The following TNRC6C variants were observed in gnomAD, a reference collection of about 807,000 sequenced individuals.
TNRC6C encodes the protein trinucleotide repeat-containing gene 6C protein.
In TNRC6C, 20 loss-of-function variants were observed where a neutral mutation model predicts 153.7. The observed-to-expected ratio is 0.13, with a 90% CI of 0.09 to 0.19. TNRC6C has a LOEUF of 0.19. Among genes scored for constraint, TNRC6C ranks in the 10% least tolerant of loss-of-function variants. The pLI is 1.00. For synonymous variants in TNRC6C, 811 were observed against 841.4 expected (o/e 0.96, Z 0.63); for missense variants, 1,987 against 2,172.0 (o/e 0.91, Z 1.69).
intron 2 of TNRC6C, among the ~76,000 whole-genome samples, chr17:78,035,698 A>G (rs968026273): frequency 7.2e-5 from 11 of 152,162 alleles, no homozygotes; most frequent in Non-Finnish European, 7.3e-5. Flanking sequence ...AAGCTTTCTC[A>G]TCACTCTGTG....
chr17:78,100,096 G>A (rs1027904838), intron 17 of TNRC6C, among the ~76,000 whole-genome samples: 2 of 152,216 alleles, frequency 1.3e-5, no homozygotes, highest in African/African-American at 4.8e-5. Context: ...CAGCTCTGCA[G>A]GGTACAGCCT....
At chr17:78,016,188 C>T (rs753822019) in intron 1 of TNRC6C, among the ~76,000 whole-genome samples, 8 of 152,218 alleles carry the variant, frequency 5.3e-5, no homozygotes, top group Non-Finnish European at 8.8e-5. Flanking sequence ...CACAGTGCCA[C>T]TGCCGCAGAC....
chr17:77,975,095 C>CT (rs1029431301), intron 1 of TNRC6C, among the ~76,000 whole-genome samples: 7 of 152,092 alleles, frequency 4.6e-5, no homozygotes, highest in African/African-American at 1.2e-4. Flanking sequence ...AAAGAAATTT[C>CT]TTTAAGTCTC....
intron 1 of TNRC6C, among the ~76,000 whole-genome samples, chr17:77,968,594 C>T (rs1028502417): frequency 6.6e-6 from 1 of 152,294 alleles, no homozygotes; most frequent in Non-Finnish European, 1.5e-5. Context: ...CCGCCCACCT[C>T]GGCCTCCCAA....
chr17:78,102,903 C>T (rs958050664), intron 18 of TNRC6C: 4 of 247,476 alleles, frequency 1.6e-5, no homozygotes, highest in Admixed American at 5.3e-5. Flanking sequence ...TTTGGGAGGC[C>T]GAGGCCAGGG....
At chr17:77,995,606 C>A (rs562324864) in intron 1 of TNRC6C, among the ~76,000 whole-genome samples, 3 of 152,184 alleles carry the variant, frequency 2.0e-5, no homozygotes, top group Admixed American at 6.5e-5. Flanking sequence ...ACAATGAAAT[C>A]CCAAGCATTA....
chr17:77,989,299 T>C (rs573849341), intron 1 of TNRC6C, among the ~76,000 whole-genome samples: 12 of 152,356 alleles, frequency 7.9e-5, no homozygotes, highest in Non-Finnish European at 8.8e-5. Context: ...ACATCTGTTA[T>C]GACTTCTGAA....
At chr17:78,034,738 G>A (rs2072145987) in intron 2 of TNRC6C, among the ~76,000 whole-genome samples, 1 of 152,176 alleles carries the variant, frequency 6.6e-6, no homozygotes, top group African/African-American at 2.4e-5. Context: ...GAAGCCCTGG[G>A]CGGGTGAATT....
At chr17:78,038,662 G>C (rs989509219) in intron 2 of TNRC6C, among the ~76,000 whole-genome samples, 1 of 143,388 alleles carries the variant, frequency 7.0e-6, no homozygotes, top group Non-Finnish European at 1.5e-5. Flanking sequence ...CTGGGCGACA[G>C]AGCGAGACTC....
At chr17:77,969,672 A>G (rs531669904) in intron 1 of TNRC6C, among the ~76,000 whole-genome samples, 1 of 151,958 alleles carries the variant, frequency 6.6e-6, no homozygotes, top group Admixed American at 6.6e-5. Flanking sequence ...ATACTTGAAA[A>G]GCCTGATGTT....
chr17:78,028,393 C>T (rs1203477233), intron 1 of TNRC6C, among the ~76,000 whole-genome samples: 4 of 152,112 alleles, frequency 2.6e-5, no homozygotes, highest in African/African-American at 7.2e-5. Context: ...GCAGTGAGGG[C>T]GTTCTGAGGC....
chr17:78,069,137 G>A (rs1453758164), intron 5 of TNRC6C, among the ~76,000 whole-genome samples: 1 of 151,874 alleles, frequency 6.6e-6, no homozygotes, highest in Non-Finnish European at 1.5e-5. Context: ...ATAGCAAACT[G>A]GAAAAATATG....
At chr17:77,958,485 A>G (rs2070829698), upstream of TNRC6C, among the ~76,000 whole-genome samples, 1 of 151,484 alleles carries the variant, frequency 6.6e-6, no homozygotes, top group Non-Finnish European at 1.5e-5. Context: ...GGAAAGGAGG[A>G]GGCGTGGCCT....
At chr17:77,977,687 A>G (rs970415917) in intron 1 of TNRC6C, among the ~76,000 whole-genome samples, 2 of 152,160 alleles carry the variant, frequency 1.3e-5, no homozygotes, top group Admixed American at 6.5e-5. Context: ...CATGCTTTTA[A>G]TATTTACTAT....
rs759843330 is a variant in TNRC6C at position 78,071,085 on chromosome 17, G to A, written c.2779G>A (p.Gly927Ser). 8 of 1,600,678 alleles carry A rather than the reference G, an allele frequency of 5.0e-6. No homozygotes were observed. The Admixed American group carries it at 1.2e-4, about 24-fold the overall frequency. ...CCCCCTTTCCCACACTTTGTTCAAG[G>A]GCATGAAGACGTCTGGCAAGCAGGA... Residue 927 changes from glycine (G) to serine (S), a missense_variant and splice_region_variant, in exon 6 of 20, where the codon GGC becomes AGC. By Grantham distance (56) the Gly-to-Ser change is moderately conservative. Transcript: ENST00000301624.
chr17:78,043,855 G>A (rs79964326), intron 2 of TNRC6C, among the ~76,000 whole-genome samples: 1 of 152,092 alleles, frequency 6.6e-6, no homozygotes, highest in South Asian at 2.1e-4. Context: ...AATTAACATA[G>A]TGACCTCCAG....
intron 12 of TNRC6C, 104 bp downstream of exon 14, chr17:78,086,690 A>G (rs2073297659): frequency 1.3e-6 from 2 of 1,559,776 alleles, no homozygotes; most frequent in Middle Eastern, 1.7e-4. Flanking sequence ...TTCTCTAGCC[A>G]AGCCTTCCTT....
upstream of TNRC6C, among the ~76,000 whole-genome samples, chr17:78,000,785 G>A (rs2071401894): frequency 6.6e-6 from 1 of 152,006 alleles, no homozygotes. Context: ...ACAAAAACAG[G>A]CCCCTGCCCT....
exon 20 of TNRC6C, chr17:78,105,908 CTG>C (rs997680021): frequency 3.2e-4 from 49 of 152,218 alleles, no homozygotes; most frequent in Non-Finnish European, 5.9e-5. Flanking sequence ...CTCAAGGACT[CTG>C]TGACTGCGTT....
Sources: gnomAD v4.1 joint callset for allele counts (sites outside exome capture counted in the v4.1 genomes callset) on GRCh38, gnomAD v4.1.1 for gene constraint, MANE v1.5 for transcripts, NCBI Gene and HGNC (gene_info 2026-07-23, HGNC 2026-07-21) for gene names.